Variants in PCBD2 observed in about 807,000 individuals in gnomAD.
PCBD2 encodes the protein pterin-4-alpha-carbinolamine dehydratase 2.
Under a neutral mutation model 16.4 loss-of-function variants are expected in PCBD2, and 12 were observed. The ratio of observed to expected loss-of-function variants is 0.73; its 90% CI spans 0.47 to 1.19. The LOEUF (loss-of-function observed/expected upper bound fraction) is 1.19. PCBD2 is among the 50% of genes most tolerant of loss of function. The pLI is 0.00. For missense variants in PCBD2, 138 were observed against 156.8 expected (o/e 0.88, Z 0.64); for synonymous variants, 58 against 61.8 (o/e 0.94, Z 0.29).
At chr5:134,905,370 G>C in intron 1 of PCBD2, 147 bp downstream of exon 1, 1 of 629,370 alleles carries the variant, frequency 1.6e-6, no homozygotes, top group East Asian at 3.7e-5. Context: ...CCGCGTCCCG[G>C]GACTGACCAC....
intron 2 of PCBD2, among the ~76,000 whole-genome samples, chr5:134,933,384 C>T (rs1292714193): frequency 4.6e-5 from 7 of 151,996 alleles, no homozygotes; most frequent in African/African-American, 9.7e-5. Flanking sequence ...TACAGGCATG[C>T]GCCACCACAC....
intron 2 of PCBD2, among the ~76,000 whole-genome samples, chr5:134,933,126 T>A (rs893499932): frequency 1.3e-5 from 2 of 152,238 alleles, no homozygotes. Context: ...GTGTGAATGT[T>A]TATGTATGTA....
intron 2 of PCBD2, among the ~76,000 whole-genome samples, chr5:134,953,781 A>T (rs1325627935): frequency 1.3e-5 from 2 of 152,240 alleles, no homozygotes; most frequent in Non-Finnish European, 2.9e-5. Context: ...AGCCTGGGCG[A>T]CAGAGTGAGA....
Position 134,927,462 on chromosome 5 carries a change from T to C in PCBD2, c.216+16996T>C, listed in dbSNP as rs1438158298. 1.3e-5 allele frequency: 5 copies of C among 398,252 alleles called. No individual in the cohort carries two copies. In the Admixed American group the frequency reaches 1.8e-4, roughly 14 times the overall value. The allele number at this position is 398,252 out of a possible 1,614,324, so 24.7% of individuals were successfully genotyped here. ...TGTGTACGCTAGCCATATTAAGTTATTGGCTCAGGAGTTTGATAGTTCTTG... is the reference window on the plus strand; with the variant it reads ...TGTGTACGCTAGCCATATTAAGTTACTGGCTCAGGAGTTTGATAGTTCTTG... On this transcript the variant is annotated intron_variant, in intron 2 of 3. Transcript: ENST00000254908.
chr5:134,944,751 T>G (rs1443597967), intron 2 of PCBD2, among the ~76,000 whole-genome samples: 1 of 152,194 alleles, frequency 6.6e-6, no homozygotes, highest in African/African-American at 2.4e-5. Flanking sequence ...CGGCTCAGCC[T>G]CCCACTGAAA....
In PCBD2 at chr5:134,958,073, A is replaced by C. The variant is rs539317766; in HGVS notation, c.217-967A>C. Among the ~76,000 whole-genome samples the C allele has an allele frequency of 4.3e-4, 65 of 152,286 alleles. 1 individual carries two copies. The highest frequency in any genetic ancestry group is 3.9e-4 in the Admixed American group (6 of 15,300). The stretch of plus-strand genomic sequence containing the variant: ...TTTCTGGATAGGGGTAATGAAGTTA[A>C]ATATTTGTTTACGTGGGTGTAATGG... On this transcript the variant is annotated intron_variant, in intron 2 of 3. Transcript: ENST00000254908.
At chr5:134,947,350 C>T (rs1306123801) in intron 2 of PCBD2, among the ~76,000 whole-genome samples, 4 of 151,344 alleles carry the variant, frequency 2.6e-5, no homozygotes, top group African/African-American at 9.7e-5. Context: ...GCCTTGGTCT[C>T]CCAAAGTGCT....
chr5:134,915,937 A>G (rs1274747040), intron 2 of PCBD2, among the ~76,000 whole-genome samples: 1 of 152,150 alleles, frequency 6.6e-6, no homozygotes, highest in Non-Finnish European at 1.5e-5. Context: ...CACAGTCAGA[A>G]CTAAAGACAC....
chr5:134,917,784 G>A (rs1351019761), intron 2 of PCBD2, among the ~76,000 whole-genome samples: 1 of 152,230 alleles, frequency 6.6e-6, no homozygotes, highest in Non-Finnish European at 1.5e-5. Context: ...CCTAGCAGCA[G>A]TAGCACCATA....
chr5:134,942,408 C>T (rs551072122), intron 2 of PCBD2, among the ~76,000 whole-genome samples: 5 of 152,120 alleles, frequency 3.3e-5, no homozygotes, highest in Admixed American at 1.3e-4. Context: ...CACAGGGCTG[C>T]AGTAAGTACC....
At chr5:134,941,722 A>T (rs1286113553) in intron 2 of PCBD2, among the ~76,000 whole-genome samples, 1 of 152,226 alleles carries the variant, frequency 6.6e-6, no homozygotes, top group Admixed American at 6.5e-5. Context: ...AATGAATATT[A>T]TAACAGTTTT....
At chr5:134,926,729 G>T in intron 2 of PCBD2, 2 of 397,462 alleles carry the variant, frequency 5.0e-6, no homozygotes, top group South Asian at 2.6e-4. Flanking sequence ...GTATGAACAT[G>T]AGAGTGTTTT....
At chr5:134,920,005 G>C (rs1011076558) in intron 2 of PCBD2, among the ~76,000 whole-genome samples, 2 of 152,208 alleles carry the variant, frequency 1.3e-5, no homozygotes, top group African/African-American at 4.8e-5. Flanking sequence ...TCCTGTGGCT[G>C]GGTAGCGGCC....
chr5:134,919,874 T>C (rs1266002938), intron 2 of PCBD2, among the ~76,000 whole-genome samples: 1 of 152,220 alleles, frequency 6.6e-6, no homozygotes, highest in Non-Finnish European at 1.5e-5. Flanking sequence ...GCACTGCAGT[T>C]TTGTCCATAG....
chr5:134,943,675 T>C (rs1751258709), intron 2 of PCBD2, among the ~76,000 whole-genome samples: 2 of 152,278 alleles, frequency 1.3e-5, no homozygotes, highest in Non-Finnish European at 1.5e-5. Context: ...AAAAATGGTG[T>C]TGGTCAAGTT....
Position 134,960,665 on chromosome 5 carries a change from C to T in PCBD2, c.377C>T (p.Ala126Val), listed in dbSNP as rs780422228. Residue 126 changes from alanine (A) to valine (V), a missense_variant, in exon 4 of 4, where the codon GCA becomes GTA. Physicochemically the swap from Ala to Val is moderately conservative, Grantham distance 64. Coordinates refer to ENST00000254908, the MANE Select transcript of PCBD2 (RefSeq NM_032151.5). ...DVKLAKFIEK[A>V]AASV ...AAGCTGGCCAAGTTTATTGAAAAAG[C>T]AGCTGCTTCTGTGTGATTTCTTCCA... is the stretch of plus-strand genomic sequence containing the variant. 2.5e-6 allele frequency: 4 copies of T among 1,611,078 alleles called. No individual in the cohort carries two copies. Among genetic ancestry groups the T allele is most frequent in the Middle Eastern group, 1.7e-4 (1 of 6,034 alleles).
chr5:134,936,887 C>G (rs1454120817), intron 2 of PCBD2, among the ~76,000 whole-genome samples: 1 of 152,162 alleles, frequency 6.6e-6, no homozygotes, highest in Non-Finnish European at 1.5e-5. Flanking sequence ...GAGTTAAATC[C>G]TAAAATGATC....
At chr5:134,919,489 A>G (rs1427400700) in intron 2 of PCBD2, among the ~76,000 whole-genome samples, 2 of 152,218 alleles carry the variant, frequency 1.3e-5, no homozygotes, top group Non-Finnish European at 2.9e-5. Flanking sequence ...CATAAATTTC[A>G]TTTATGTAAA....
At chr5:134,936,557 T>C (rs754397405) in intron 2 of PCBD2, among the ~76,000 whole-genome samples, 6 of 152,238 alleles carry the variant, frequency 3.9e-5, no homozygotes, top group Non-Finnish European at 8.8e-5. Flanking sequence ...TTTCAGATCC[T>C]GTGTGGAAAG....
Sources: gnomAD v4.1 joint callset for allele counts (sites outside exome capture counted in the v4.1 genomes callset) on GRCh38, gnomAD v4.1.1 for gene constraint, MANE v1.5 for transcripts, NCBI Gene and HGNC (gene_info 2026-07-23, HGNC 2026-07-21) for gene names.